NPTN: variants seen among roughly 807,000 people sequenced by gnomAD.
The protein encoded by NPTN is neuroplastin.
Under a neutral mutation model 42.7 loss-of-function variants are expected in NPTN, and 5 were observed. That is an observed-to-expected ratio of 0.12 (90% CI 0.06 to 0.25). The LOEUF (loss-of-function observed/expected upper bound fraction) is 0.25. NPTN is among the 10% of genes least tolerant of loss of function. The probability of loss-of-function intolerance (pLI) is 1.00; values close to 1 mark genes in which losing one functional copy is unlikely to be tolerated. For synonymous variants in NPTN, 180 were observed against 201.9 expected, an observed-to-expected ratio of 0.89 and a Z score of 0.92; for missense variants, 307 against 525.4, an observed-to-expected ratio of 0.58 and a Z score of 4.06.
intron 1 of NPTN, among the ~76,000 whole-genome samples, chr15:73,631,332 C>T (rs919683346): frequency 1.3e-5 from 2 of 152,178 alleles, no homozygotes; most frequent in African/African-American, 2.4e-5. Context: ...CTCTACCCTG[C>T]CTTCCACAGT....
intron 1 of NPTN, chr15:73,632,776 A>C: frequency 8.8e-6 from 2 of 227,838 alleles, no homozygotes; most frequent in Non-Finnish European, 8.6e-6. Flanking sequence ...CACCCTCCCT[A>C]AGAGCTGCGC....
At chr15:73,567,316 G>T (rs1742012918) in intron 6 of NPTN, 1 of 985,178 alleles carries the variant, frequency 1.0e-6, no homozygotes, top group Non-Finnish European at 1.2e-6. Flanking sequence ...AGTATGGCAG[G>T]CCTATAAAAA....
chr15:73,619,773 C>T (rs150134239), intron 1 of NPTN, among the ~76,000 whole-genome samples: 111 of 152,296 alleles, frequency 7.3e-4, no homozygotes, highest in Middle Eastern at 3.4e-3. Context: ...TTAAAGATTT[C>T]AAATTTTATA....
At chr15:73,610,048 T>A (rs1243190332) in intron 1 of NPTN, among the ~76,000 whole-genome samples, 3 of 152,092 alleles carry the variant, frequency 2.0e-5, no homozygotes, top group Admixed American at 2.0e-4. Context: ...TCCCTCCCTA[T>A]TCCTTTCTTC....
At chr15:73,613,821 G>C (rs1270200467) in intron 1 of NPTN, among the ~76,000 whole-genome samples, 1 of 151,908 alleles carries the variant, frequency 6.6e-6, no homozygotes, top group East Asian at 1.9e-4. Flanking sequence ...AAGTAACTGG[G>C]ATTACAGGCG....
At chr15:73,583,761 C>T (rs989474324) in intron 4 of NPTN, among the ~76,000 whole-genome samples, 4 of 152,188 alleles carry the variant, frequency 2.6e-5, no homozygotes, top group East Asian at 1.9e-4. Context: ...ACAACCTCTA[C>T]GCATCCTCAC....
intron 6 of NPTN, chr15:73,567,697 G>A (rs1434300048): frequency 1.0e-6 from 1 of 985,288 alleles, no homozygotes; most frequent in African/African-American, 1.7e-5. Flanking sequence ...GATGGAGTTT[G>A]AGAGAAAGAC....
At chr15:73,599,477 G>A (rs1310700811) in intron 1 of NPTN, 4 of 152,248 alleles carry the variant, frequency 2.6e-5, no homozygotes, top group African/African-American at 9.7e-5. Context: ...AGTTGGGCAT[G>A]GTGGTGCTCA....
At chr15:73,579,011 A>G (rs1001904060) in intron 4 of NPTN, among the ~76,000 whole-genome samples, 3 of 149,918 alleles carry the variant, frequency 2.0e-5, no homozygotes, top group African/African-American at 7.4e-5. Context: ...AAAAAAAAAA[A>G]AGATACTTAT....
chr15:73,562,840 T>TA (rs1474835944), intron 7 of NPTN, among the ~76,000 whole-genome samples: 3 of 152,216 alleles, frequency 2.0e-5, no homozygotes, highest in East Asian at 1.9e-4. Context: ...TATGAGTGCA[T>TA]AAAAAAACAT....
At chr15:73,608,839 T>C (rs527644776) in intron 1 of NPTN, among the ~76,000 whole-genome samples, 80 of 152,328 alleles carry the variant, frequency 5.3e-4, no homozygotes, top group African/African-American at 1.9e-3. Context: ...AATGAACTTA[T>C]TGACGTGGGG....
At chr15:73,612,962 T>C (rs1897664888) in intron 1 of NPTN, among the ~76,000 whole-genome samples, 1 of 152,168 alleles carries the variant, frequency 6.6e-6, no homozygotes, top group Non-Finnish European at 1.5e-5. Flanking sequence ...ACCATATAAT[T>C]TGTCATCTAA....
In NPTN at chr15:73,569,838, A is replaced by G. The variant is rs1895260741; in HGVS notation, c.1114+312T>C. 1 of 984,558 alleles carries G rather than the reference A, an allele frequency of 1.0e-6. No homozygotes were observed. The highest frequency in any genetic ancestry group is 6.1e-5 in the Admixed American group (1 of 16,266). The allele number at this position is 984,558 out of a possible 1,614,324, so 61.0% of individuals were successfully genotyped here. ...TGAAGGAGGACAGAGCTGAACAAAG[A>G]GACTGACAGCTGCCCATTCACCACA... On this transcript the variant is annotated intron_variant, in intron 6 of 8. Transcript: ENST00000345330. The surrounding 1 kb of genome is among the most constrained non-coding windows in gnomAD (Gnocchi z 4.1).
rs1241529770 is a variant in NPTN, at chr15:73,575,186, T to C, written c.707-1391A>G. Among the ~76,000 whole-genome samples the C allele has an allele frequency of 2.8e-4, 43 of 152,214 alleles. 1 individual carries two copies. ...TTAGGAGAGATGGGGTTTCATCATG[T>C]TGGTCAGGCTGGTCTTGAACTCCTG... is the stretch of plus-strand genomic sequence containing the variant. On this transcript the variant is annotated intron_variant, in intron 4 of 8. Transcript: ENST00000345330.
chr15:73,593,552 C>A (rs1417419876), intron 2 of NPTN, among the ~76,000 whole-genome samples: 1 of 152,140 alleles, frequency 6.6e-6, no homozygotes, highest in African/African-American at 2.4e-5. Context: ...AAAGAACTCT[C>A]TCCCTCCATG....
intron 1 of NPTN, among the ~76,000 whole-genome samples, chr15:73,626,875 TAGTAA>T (rs1443663652): frequency 1.3e-5 from 2 of 152,206 alleles, no homozygotes; most frequent in African/African-American, 4.8e-5. Flanking sequence ...TTTCACTGTC[TAGTAA>T]ATTTGAAGTA....
At position 73,592,066 on chromosome 15, in the gene NPTN, T is replaced by G. The variant is rs1464562209; in HGVS notation, c.511A>C (p.Asn171His). 6.2e-7 allele frequency: 1 copy of G among 1,613,958 alleles called. No homozygotes were observed. The highest frequency in any genetic ancestry group is 8.5e-7 in the Non-Finnish European group (1 of 1,179,968). ...SPVLPVTLQC[N>H]LTSSSHTLTY... ...AGGGTGTGAGAGCTGGAGGTGAGGT[T>G]ACACTGCAGGGTGACAGGGAGAACA... Residue 171 changes from asparagine (N) to histidine (H), a missense_variant, in exon 3 of 9, where the codon AAC becomes CAC. This residue lies in a region of NPTN where 264 missense variants were observed against 491.1 expected (regional missense o/e 0.54). Coordinates refer to ENST00000345330, the MANE Select transcript of NPTN (RefSeq NM_012428.4).
At chr15:73,613,293 T>C (rs1284214366) in intron 1 of NPTN, among the ~76,000 whole-genome samples, 2 of 152,212 alleles carry the variant, frequency 1.3e-5, no homozygotes. Flanking sequence ...ATTCCTATTT[T>C]ATTTTTATCT....
chr15:73,591,888 G>T, intron 3 of NPTN, 78 bp downstream of exon 3: 1 of 1,381,132 alleles, frequency 7.2e-7, no homozygotes, highest in Non-Finnish European at 1.0e-6. Context: ...TCTGCATGGC[G>T]CAACTATGGA....
Sources: gnomAD v4.1 joint callset for allele counts (sites outside exome capture counted in the v4.1 genomes callset) on GRCh38, gnomAD v4.1.1 for gene constraint, gnomAD v4.1.1 regional missense constraint, Gnocchi (gnomAD v3.1) non-coding constraint, MANE v1.5 for transcripts, NCBI Gene and HGNC (gene_info 2026-07-23, HGNC 2026-07-21) for gene names.